ZDHHC3: variants seen among roughly 807,000 people sequenced by gnomAD.
ZDHHC3 encodes palmitoyltransferase ZDHHC3.
Under a neutral mutation model 30.6 loss-of-function variants are expected in ZDHHC3, and 9 were observed. The observed-to-expected ratio is 0.29, with a 90% CI of 0.18 to 0.51. The LOEUF is 0.51. ZDHHC3 is among the 20% of genes least tolerant of loss of function. The pLI, the probability that ZDHHC3 is intolerant of heterozygous loss-of-function variation, is 0.97. For synonymous variants in ZDHHC3, 136 were observed against 140.2 expected, an observed-to-expected ratio of 0.97 and a Z score of 0.21; for missense variants, 246 against 384.2, an observed-to-expected ratio of 0.64 and a Z score of 3.01.
At position 44,920,299 on chromosome 3, in the gene ZDHHC3, G is replaced by C. The variant is rs781212192; in HGVS notation, c.*6390C>G. 7.4e-5 allele frequency: 95 copies of C among 1,289,738 alleles called. No homozygotes were observed. Among genetic ancestry groups the C allele is most frequent in the Non-Finnish European group, 9.4e-5 (93 of 988,880 alleles). 79.9% of individuals were successfully genotyped at this position (1,289,738 alleles called of 1,614,324 possible). A position where few individuals can be genotyped will look rare whatever the true frequency, so the allele number is the denominator to read the frequency against. On this transcript the variant is annotated 3_prime_UTR_variant, in exon 7 of 7. Coordinates refer to ENST00000424952, the MANE Select transcript of ZDHHC3 (RefSeq NM_001135179.2). ...GTGACCAGCTGAGATGGTTTGCTTT[G>C]GGCATTCTGCATTCTCTTCCTGGGT...
At position 44,923,037 on chromosome 3, in the gene ZDHHC3, A is replaced by T. The variant is rs1206105841; in HGVS notation, c.*3652T>A. 3.1e-6 allele frequency: 3 copies of T among 981,948 alleles called. No individual in the cohort carries two copies. The highest frequency in any genetic ancestry group is 3.6e-6 in the Non-Finnish European group (3 of 828,846). 60.8% of individuals were successfully genotyped at this position (981,948 alleles called of 1,614,324 possible). On this transcript the variant is annotated 3_prime_UTR_variant, in exon 7 of 7. Transcript: ENST00000424952. ...GCCCATCCCAGCCCACCCGGAGAGG[A>T]GTTTCTGTGTAATGCCAACCTCACA...
At chr3:44,943,475 C>T (rs950693493) in intron 3 of ZDHHC3, among the ~76,000 whole-genome samples, 8 of 152,176 alleles carry the variant, frequency 5.3e-5, no homozygotes, top group African/African-American at 1.7e-4. Context: ...GAGCTGACTC[C>T]GGAATCTGAG....
At chr3:44,946,073 G>T (rs995676305) in intron 2 of ZDHHC3, among the ~76,000 whole-genome samples, 1 of 152,142 alleles carries the variant, frequency 6.6e-6, no homozygotes, top group African/African-American at 2.4e-5. Context: ...AGTTTCCCCA[G>T]ATCAAAATTT....
chr3:44,933,075 C>T (rs745683183), intron 5 of ZDHHC3, 43 bp downstream of exon 5: 6 of 1,611,136 alleles, frequency 3.7e-6, no homozygotes, highest in Non-Finnish European at 5.1e-6. Flanking sequence ...TCAGGTCACA[C>T]ACCCACCCTG....
Position 44,922,688 on chromosome 3 carries a change from T to C in ZDHHC3, c.*4001A>G, listed in dbSNP as rs1406253156. The C allele has an allele frequency of 3.0e-6, 3 of 985,202 alleles. No homozygotes were observed. The highest frequency in any genetic ancestry group is 3.6e-6 in the Non-Finnish European group (3 of 829,902). 61.0% of individuals were successfully genotyped at this position (985,202 alleles called of 1,614,324 possible). On this transcript the variant is annotated 3_prime_UTR_variant, in exon 7 of 7. Transcript: ENST00000424952. Reference sequence around the variant, plus strand: ...CCAACTGGATTCTCAAACTTGATAGTCAGAATCACCTGGAGGGCTGTTAAG... The same window carrying C: ...CCAACTGGATTCTCAAACTTGATAGCCAGAATCACCTGGAGGGCTGTTAAG...
rs1274427989 is a variant in ZDHHC3, at chr3:44,922,543, G to C, written c.*4146C>G. 2 of 985,258 alleles carry C rather than the reference G, an allele frequency of 2.0e-6. No homozygotes were observed. Among genetic ancestry groups the C allele is most frequent in the African/African-American group, 3.5e-5 (2 of 57,208 alleles). The allele number at this position is 985,258 out of a possible 1,614,324, so 61.0% of individuals were successfully genotyped here. On this transcript the variant is annotated 3_prime_UTR_variant, in exon 7 of 7. Transcript: ENST00000424952. ...AGTCTCAGTGGCTTCTCCGCGGAGG[G>C]AACACGTGCCTGTCTCACAATCAGC...
At chr3:44,950,137 G>A (rs1463710457) in intron 2 of ZDHHC3, among the ~76,000 whole-genome samples, 1 of 152,224 alleles carries the variant, frequency 6.6e-6, no homozygotes, top group Non-Finnish European at 1.5e-5. Flanking sequence ...GTCCCCAGCT[G>A]TGTTCTCTTT....
intron 2 of ZDHHC3, among the ~76,000 whole-genome samples, chr3:44,949,561 A>C (rs1033685016): frequency 4.6e-5 from 7 of 152,214 alleles, no homozygotes; most frequent in African/African-American, 1.4e-4. Context: ...AAAACAAGCA[A>C]AACAAAAACA....
At chr3:44,961,317 A>T (rs1207414133) in intron 1 of ZDHHC3, among the ~76,000 whole-genome samples, 1 of 152,172 alleles carries the variant, frequency 6.6e-6, no homozygotes, top group Non-Finnish European at 1.5e-5. Flanking sequence ...GCGTGAACCC[A>T]GGAGGCGGAG....
Position 44,918,638 on chromosome 3 carries a change from C to T in ZDHHC3, c.*8051G>A. The T allele has an allele frequency of 1.0e-6, 1 of 985,434 alleles. No homozygotes were observed. The highest frequency in any genetic ancestry group is 1.2e-6 in the Non-Finnish European group (1 of 829,930). The allele number at this position is 985,434 out of a possible 1,614,324, so 61.0% of individuals were successfully genotyped here. On this transcript the variant is annotated 3_prime_UTR_variant, in exon 7 of 7. Coordinates refer to ENST00000424952, the MANE Select transcript of ZDHHC3 (RefSeq NM_001135179.2). ...AGGAAGGAGTGCAGGACACAAACAG[C>T]ATGCGAGGTGAAGAAGCGGGTGCTC...
At chr3:44,952,049 T>C (rs973572308) in intron 2 of ZDHHC3, among the ~76,000 whole-genome samples, 2 of 152,198 alleles carry the variant, frequency 1.3e-5, no homozygotes, top group Non-Finnish European at 2.9e-5. Flanking sequence ...AATCACAAGC[T>C]CCAACTCAGA....
Position 44,919,770 on chromosome 3 carries a change from G to T in ZDHHC3, c.*6919C>A. ...GTTGTATAAAATGTTTACCTTTGGTGAGACTGACTGAAAGGTACATGGGAA... is the reference window on the plus strand; with the variant it reads ...GTTGTATAAAATGTTTACCTTTGGTTAGACTGACTGAAAGGTACATGGGAA... On this transcript the variant is annotated 3_prime_UTR_variant, in exon 7 of 7. Coordinates refer to ENST00000424952, the MANE Select transcript of ZDHHC3 (RefSeq NM_001135179.2). 1.6e-6 allele frequency: 1 copy of T among 610,302 alleles called. No individual in the cohort carries two copies. Among genetic ancestry groups the T allele is most frequent in the Non-Finnish European group, 2.1e-6 (1 of 487,624 alleles). 37.8% of individuals were successfully genotyped at this position (610,302 alleles called of 1,614,324 possible). A position where few individuals can be genotyped will look rare whatever the true frequency, so the allele number is the denominator to read the frequency against.
At chr3:44,931,383 A>G (rs1408229080) in intron 5 of ZDHHC3, among the ~76,000 whole-genome samples, 1 of 152,142 alleles carries the variant, frequency 6.6e-6, no homozygotes, top group Non-Finnish European at 1.5e-5. Context: ...ATTCCTCTGT[A>G]GGCTGGGCCC....
intron 3 of ZDHHC3, 53 bp from the exon 4 acceptor site, chr3:44,934,037 G>A: frequency 6.4e-7 from 1 of 1,560,494 alleles, no homozygotes. Context: ...TGTTGGGAGG[G>A]CCCCGGGGGA....
chr3:44,924,155 T>C lies in ZDHHC3; in HGVS notation c.*2534A>G. ...CCAAACAGTACTATCAGAACTCCTG[T>C]GACCAAGCCAAAAGTTGGGGCTGAC... On this transcript the variant is annotated 3_prime_UTR_variant, in exon 7 of 7. Coordinates refer to ENST00000424952, the MANE Select transcript of ZDHHC3 (RefSeq NM_001135179.2). 4.1e-6 allele frequency: 4 copies of C among 985,440 alleles called. No individual in the cohort carries two copies. The highest frequency in any genetic ancestry group is 4.8e-6 in the Non-Finnish European group (4 of 829,920). 61.0% of individuals were successfully genotyped at this position (985,440 alleles called of 1,614,324 possible).
chr3:44,929,382 A>C lies in ZDHHC3; in HGVS notation c.665T>G (p.Phe222Cys). 1 of 1,614,142 alleles carries C rather than the reference A, an allele frequency of 6.2e-7. No homozygotes were observed. The highest frequency in any genetic ancestry group is 8.5e-7 in the Non-Finnish European group (1 of 1,179,998). The change falls in exon 6 of 7, where the codon TTT (phenylalanine) becomes TGT (cysteine). Residue 222 changes from phenylalanine (F) to cysteine (C), a missense_variant. Physicochemically the swap from Phe to Cys is radical, Grantham distance 205. Coordinates refer to ENST00000424952, the MANE Select transcript of ZDHHC3 (RefSeq NM_001135179.2). ...TTVILLILLC[F>C]EGLLFLIFTS... is the part of the protein sequence containing the mutation. ...GAAAATGAGGAAGAGCAGGCCCTCAAAGCACAGCAGGATAAGGAGAATCAC... is the reference window on the plus strand; with the variant it reads ...GAAAATGAGGAAGAGCAGGCCCTCACAGCACAGCAGGATAAGGAGAATCAC...
intron 2 of ZDHHC3, chr3:44,958,546 G>T: frequency 6.6e-7 from 1 of 1,512,486 alleles, no homozygotes; most frequent in Non-Finnish European, 8.9e-7. Flanking sequence ...ATTTAGCTAA[G>T]TCATTGAGCA....
At chr3:44,932,777 A>C in intron 5 of ZDHHC3, 3 of 792,212 alleles carry the variant, frequency 3.8e-6, no homozygotes, top group Non-Finnish European at 6.3e-6. Context: ...TCATGGAAAG[A>C]CAGAAAACAA....
chr3:44,939,794 C>T (rs1178886451), intron 3 of ZDHHC3, among the ~76,000 whole-genome samples: 1 of 152,214 alleles, frequency 6.6e-6, no homozygotes, highest in African/African-American at 2.4e-5. Context: ...TCTCGCTGGG[C>T]TTCCAAATTA....
Sources: allele counts gnomAD v4.1 joint callset (sites outside exome capture counted in the v4.1 genomes callset), GRCh38; gene constraint gnomAD v4.1.1; transcripts MANE v1.5; gene names NCBI Gene and HGNC (gene_info 2026-07-23, HGNC 2026-07-21).